The following MMADHC variants were observed in gnomAD, a reference collection of about 807,000 sequenced individuals.
MMADHC encodes the protein cobalamin trafficking protein CblD.
Under a neutral mutation model 36.3 loss-of-function variants are expected in MMADHC, and 23 were observed. The ratio of observed to expected loss-of-function variants is 0.63; its 90% CI spans 0.46 to 0.90. The LOEUF (loss-of-function observed/expected upper bound fraction) is 0.90, where lower values mean the gene tolerates loss of function less well. MMADHC is among the 40% of genes least tolerant of loss of function. MMADHC has a pLI of 0.00. For synonymous variants in MMADHC, 97 were observed against 116.1 expected, an observed-to-expected ratio of 0.84 and a Z score of 1.06; for missense variants, 330 against 348.0, an observed-to-expected ratio of 0.95 and a Z score of 0.41.
At chr2:149,572,599 G>A (rs776679472) in intron 6 of MMADHC, among the ~76,000 whole-genome samples, 17 of 152,106 alleles carry the variant, frequency 1.1e-4, no homozygotes, top group Non-Finnish European at 2.4e-4. Context: ...CAAAGTAATG[G>A]TGTCACTGGA....
intron 2 of MMADHC, among the ~76,000 whole-genome samples, chr2:149,585,012 G>T (rs1422015216): frequency 1.3e-5 from 2 of 149,892 alleles, no homozygotes; most frequent in Admixed American, 1.3e-4. Flanking sequence ...ATTGCACTCC[G>T]GCCTGGGAAA....
intron 4 of MMADHC, among the ~76,000 whole-genome samples, chr2:149,578,967 AAAC>A (rs907985508): frequency 4.6e-5 from 7 of 150,580 alleles, no homozygotes; most frequent in Admixed American, 2.0e-4. Context: ...AAGAAAAAAT[AAAC>A]TTATGAAACT....
chr2:149,570,646 C>A (rs1213387663), intron 7 of MMADHC, among the ~76,000 whole-genome samples: 1 of 152,146 alleles, frequency 6.6e-6, no homozygotes, highest in East Asian at 1.9e-4. Flanking sequence ...TCAGTTATTT[C>A]TTCAAAGTAT....
At position 149,582,192 on chromosome 2, in the gene MMADHC, G is replaced by C; in HGVS notation, c.89C>G (p.Ala30Gly). 5.6e-6 allele frequency: 9 copies of C among 1,613,942 alleles called. No homozygotes were observed. The highest frequency in any genetic ancestry group is 5.9e-6 in the Non-Finnish European group (7 of 1,179,878). The change falls in exon 3 of 8, where the codon GCC (alanine) becomes GGC (glycine). Residue 30 changes from alanine to glycine, a missense_variant. Ala to Gly is a moderately conservative substitution (Grantham distance 60). Coordinates refer to ENST00000303319, the MANE Select transcript of MMADHC (RefSeq NM_015702.3). ...ACCTGATGATCCTGCAGTCGAAAAG[G>C]CTTTGGGATTGACAACCCTTTTAAC... ...SLVKRVVNPK[A>G]FSTAGSSGSD...
chr2:149,571,383 G>C (rs1483994103), intron 6 of MMADHC, among the ~76,000 whole-genome samples: 1 of 152,128 alleles, frequency 6.6e-6, no homozygotes, highest in Non-Finnish European at 1.5e-5. Context: ...ATTTCAAAAA[G>C]ACTAAATTCT....
intron 6 of MMADHC, among the ~76,000 whole-genome samples, chr2:149,573,180 C>A (rs1216105025): frequency 6.6e-6 from 1 of 152,112 alleles, no homozygotes; most frequent in Non-Finnish European, 1.5e-5. Flanking sequence ...TGAGACCAAA[C>A]CACAATGGGG....
chr2:149,586,757 A>G (rs1048808626), intron 2 of MMADHC: 1 of 318,566 alleles, frequency 3.1e-6, no homozygotes, highest in Admixed American at 4.6e-5. Flanking sequence ...GATTAAAAAA[A>G]CCCTTCAGTT....
intron 6 of MMADHC, among the ~76,000 whole-genome samples, chr2:149,574,025 T>TA (rs34161288): frequency 1.0e-3 from 150 of 148,642 alleles, no homozygotes; most frequent in Non-Finnish European, 1.6e-3. Context: ...AAGAAATCTT[T>TA]AAAAAAAAAA....
At chr2:149,574,559 G>A (rs574114985) in intron 6 of MMADHC, among the ~76,000 whole-genome samples, 2 of 152,232 alleles carry the variant, frequency 1.3e-5, no homozygotes, top group South Asian at 4.1e-4. Context: ...GCTAACCTGA[G>A]TTGGAAAGAA....
chr2:149,571,635 C>T (rs1682640948), intron 6 of MMADHC, among the ~76,000 whole-genome samples: 1 of 151,952 alleles, frequency 6.6e-6, no homozygotes, highest in Non-Finnish European at 1.5e-5. Flanking sequence ...AAAAAATTAG[C>T]CGGGTGTGGT....
chr2:149,579,439 C>A lies in MMADHC; in HGVS notation c.364G>T (p.Glu122Ter). The A allele has an allele frequency of 6.2e-7, 1 of 1,610,754 alleles. No individual in the cohort carries two copies. The highest frequency in any genetic ancestry group is 8.5e-7 in the Non-Finnish European group (1 of 1,178,740). The change falls in exon 4 of 8, where the codon GAA becomes TAA. Residue 122 changes from glutamate (E) to a stop codon, truncating the protein, a stop_gained. Coordinates refer to ENST00000303319, the MANE Select transcript of MMADHC (RefSeq NM_015702.3). LOFTEE classifies it high-confidence loss of function. ...TGTTACCAACAATTTACCTGAAATT[C>A]ATTCACATATTGTGCCATCACAAAC... ...HEFVMAQYVN[E>*]FQGNDAPVEQ...
chr2:149,580,371 A>T (rs1375601258), intron 3 of MMADHC, among the ~76,000 whole-genome samples: 1 of 152,174 alleles, frequency 6.6e-6, no homozygotes, highest in Non-Finnish European at 1.5e-5. Flanking sequence ...GGGAAAAAAA[A>T]TCATGCATCA....
In MMADHC at chr2:149,586,858, A is replaced by G. The variant is rs1246110719; in HGVS notation, c.9+231T>C. ...TAAAAAATACCGAAAGGGTGCTTGA[A>G]TTTCCACATCTGTACAAATGAAATT... is the stretch of plus-strand genomic sequence containing the variant. On this transcript the variant is annotated intron_variant, in intron 2 of 7. Coordinates refer to ENST00000303319, the MANE Select transcript of MMADHC (RefSeq NM_015702.3). 8 of 515,178 alleles carry G rather than the reference A, an allele frequency of 1.6e-5. No individual in the cohort carries two copies. The East Asian group carries it at 1.9e-4, about 12-fold the overall frequency. The allele number at this position is 515,178 out of a possible 1,614,324, so 31.9% of individuals were successfully genotyped here.
At chr2:149,576,336 T>C (rs1314806293) in intron 5 of MMADHC, 101 bp downstream of exon 5, 5 of 838,084 alleles carry the variant, frequency 6.0e-6, no homozygotes, top group East Asian at 2.6e-5. Context: ...TACGGTAAAA[T>C]ATAATATTAA....
intron 5 of MMADHC, 30 bp downstream of exon 5, chr2:149,576,406 AC>A (rs1206537242): frequency 2.1e-6 from 3 of 1,408,874 alleles, no homozygotes; most frequent in Non-Finnish European, 3.0e-6. Flanking sequence ...AAAATTAGTA[AC>A]AGTGTTTCAA....
rs61746421 is a variant in MMADHC at position 149,576,503 on chromosome 2, C to T, written c.412G>A (p.Glu138Lys). ...ACTCTGGCACTTTCAAAGTAAGTTT[C>T]TGCACTGTTAATTTCTTGTTCAACA... ...APVEQEINSA[E>K]TYFESARVEC... is the part of the protein sequence containing the mutation. The change falls in exon 5 of 8, where the codon GAA becomes AAA. Residue 138 changes from glutamate to lysine, a missense_variant. Transcript: ENST00000303319. The T allele has an allele frequency of 1.9e-3, 3,076 of 1,613,626 alleles. 60 individuals are homozygous for T. In the African/African-American group the frequency reaches 0.035, roughly 19 times the overall value.
intron 6 of MMADHC, among the ~76,000 whole-genome samples, chr2:149,571,413 CTT>C (rs2105042476): frequency 6.6e-6 from 1 of 152,136 alleles, no homozygotes; most frequent in East Asian, 1.9e-4. Context: ...CTTCTGAATT[CTT>C]TCTTTCTTTA....
intron 4 of MMADHC, among the ~76,000 whole-genome samples, chr2:149,577,263 T>C (rs753366606): frequency 6.6e-6 from 1 of 152,202 alleles, no homozygotes; most frequent in African/African-American, 2.4e-5. Context: ...TGATGTGTTA[T>C]GTCTGACAGG....
intron 3 of MMADHC, among the ~76,000 whole-genome samples, chr2:149,580,310 G>A (rs371886099): frequency 2.0e-5 from 3 of 152,096 alleles, no homozygotes; most frequent in Admixed American, 6.5e-5. Flanking sequence ...AGTAATGGTC[G>A]TCTGGGGAGG....
Sources: gnomAD v4.1 joint callset for allele counts (sites outside exome capture counted in the v4.1 genomes callset) on GRCh38, gnomAD v4.1.1 for gene constraint, MANE v1.5 for transcripts, NCBI Gene and HGNC (gene_info 2026-07-23, HGNC 2026-07-21) for gene names.